Variants in TUSC3 observed in about 807,000 individuals in gnomAD.
TUSC3 encodes dolichyl-diphosphooligosaccharide--protein glycosyltransferase subunit TUSC3.
In TUSC3, 45 loss-of-function variants were observed where a neutral mutation model predicts 44.8. The observed-to-expected ratio is 1.00, with a 90% CI of 0.79 to 1.29. The LOEUF (loss-of-function observed/expected upper bound fraction) is 1.29. TUSC3 is among the 50% of genes most tolerant of loss of function. TUSC3 has a pLI of 0.00. For missense variants in TUSC3, 519 were observed against 437.9 expected (o/e 1.19, Z -1.65); for synonymous variants, 212 against 152.9 (o/e 1.39, Z -2.85).
chr8:15,612,450 T>C (rs548448143), intron 1 of TUSC3, among the ~76,000 whole-genome samples: 3 of 152,332 alleles, frequency 2.0e-5, no homozygotes, highest in Admixed American at 2.0e-4. Context: ...TAATGCAATG[T>C]ACTATTTCTT....
chr8:15,614,624 GCTT>G (rs1804909926), intron 1 of TUSC3, among the ~76,000 whole-genome samples: 1 of 151,940 alleles, frequency 6.6e-6, no homozygotes, highest in Non-Finnish European at 1.5e-5. Context: ...TTACAAGTTG[GCTT>G]CTTTTTATTT....
At chr8:15,831,241 T>C in the TUSC3 span, among the ~76,000 whole-genome samples, 5 of 152,268 alleles carry the variant, frequency 3.3e-5, no homozygotes, top group Admixed American at 3.3e-4. Context: ...AAACCCACCT[T>C]ATACTACAAT....
chr8:15,710,843 C>G (rs1014536826), intron 6 of TUSC3, among the ~76,000 whole-genome samples: 13 of 146,912 alleles, frequency 8.8e-5, no homozygotes, highest in Non-Finnish European at 1.8e-4. Context: ...TATATATATT[C>G]ACTTCATGCA....
intron 1 of TUSC3, among the ~76,000 whole-genome samples, chr8:15,564,917 G>T (rs1178762054): frequency 6.6e-6 from 1 of 152,142 alleles, no homozygotes; most frequent in Non-Finnish European, 1.5e-5. Context: ...AGAGGCCACT[G>T]TTCTTTACAG....
the TUSC3 span, among the ~76,000 whole-genome samples, chr8:15,772,088 CAAAA>C: frequency 6.7e-6 from 1 of 149,934 alleles, no homozygotes. Context: ...GACTCCGTCT[CAAAA>C]AGAAAAAAAA....
At chr8:15,783,741 C>G in the TUSC3 span, among the ~76,000 whole-genome samples, 1 of 152,140 alleles carries the variant, frequency 6.6e-6, no homozygotes, top group African/African-American at 2.4e-5. Context: ...AGACCAGAAG[C>G]TGTAGAACTA....
At chr8:15,475,317 C>G (rs533194486) in intron 1 of TUSC3, among the ~76,000 whole-genome samples, 1 of 152,112 alleles carries the variant, frequency 6.6e-6, no homozygotes, top group Non-Finnish European at 1.5e-5. Context: ...TAGCCTGTCT[C>G]AGGGATAGTG....
chr8:15,643,255 G>A (rs531366373), intron 2 of TUSC3, among the ~76,000 whole-genome samples: 1 of 152,228 alleles, frequency 6.6e-6, no homozygotes, highest in South Asian at 2.1e-4. Context: ...TGTAAATTAC[G>A]CTGTCTTGGG....
chr8:15,593,107 A>G (rs1803921437), intron 1 of TUSC3, among the ~76,000 whole-genome samples: 1 of 152,036 alleles, frequency 6.6e-6, no homozygotes, highest in Non-Finnish European at 1.5e-5. Context: ...TTTTTTTGAG[A>G]CGGAGTCTCA....
At chr8:15,423,995 T>TTTG (rs1799774549) in intron 1 of TUSC3, among the ~76,000 whole-genome samples, 4 of 134,152 alleles carry the variant, frequency 3.0e-5, no homozygotes, top group African/African-American at 1.1e-4. Flanking sequence ...TTTTTTTTTT[T>TTTG]TTTTTTTTTT....
At chr8:15,488,885 A>C (rs1800769938) in intron 2 of TUSC3, among the ~76,000 whole-genome samples, 2 of 152,328 alleles carry the variant, frequency 1.3e-5, no homozygotes, top group African/African-American at 4.8e-5. Flanking sequence ...ATAGCATCCC[A>C]AATTGACTAA....
At chr8:15,657,001 T>C (rs1020203790) in intron 3 of TUSC3, among the ~76,000 whole-genome samples, 8 of 151,956 alleles carry the variant, frequency 5.3e-5, no homozygotes, top group African/African-American at 1.9e-4. Flanking sequence ...ATGCAGGGAG[T>C]GGACACCCCA....
the TUSC3 span, among the ~76,000 whole-genome samples, chr8:15,843,652 C>G: frequency 2.8e-3 from 401 of 144,746 alleles, no homozygotes; most frequent in African/African-American, 0.011. Context: ...ACATCTATAT[C>G]TACATGATGT....
intron 5 of TUSC3, among the ~76,000 whole-genome samples, chr8:15,664,674 A>G (rs1375969045): frequency 6.7e-6 from 1 of 148,790 alleles, no homozygotes; most frequent in East Asian, 1.9e-4. Context: ...GTTAAATTCA[A>G]CAACGTTTGT....
Position 15,764,745 on chromosome 8 carries a change from G to A in TUSC3, c.*589G>A, listed in dbSNP as rs188770392. ...CTGGATGAATGGTACCTACAATTTG[G>A]ATGCCTAACCAAGGACTAGAGCTCC... On this transcript the variant is annotated 3_prime_UTR_variant, in exon 11 of 11. Transcript: ENST00000503731. 159 of 152,900 alleles carry A rather than the reference G, an allele frequency of 1.0e-3. 1 individual carries two copies. Among genetic ancestry groups the A allele is most frequent in the Middle Eastern group, 0.01 (3 of 294 alleles). 9.5% of individuals were successfully genotyped at this position (152,900 alleles called of 1,614,324 possible).
At chr8:15,751,663 A>G (rs939703578) in intron 9 of TUSC3, among the ~76,000 whole-genome samples, 20 of 141,388 alleles carry the variant, frequency 1.4e-4, no homozygotes, top group East Asian at 4.9e-4. Context: ...GGCACATCCA[A>G]AAGAAGCCAA....
chr8:15,626,637 C>G (rs1333121135), intron 2 of TUSC3, among the ~76,000 whole-genome samples: 1 of 152,184 alleles, frequency 6.6e-6, no homozygotes, highest in African/African-American at 2.4e-5. Flanking sequence ...CCCCTGCAGG[C>G]TTGGAGATGT....
At chr8:15,447,040 C>G (rs1455313764) in intron 1 of TUSC3, among the ~76,000 whole-genome samples, 2 of 151,296 alleles carry the variant, frequency 1.3e-5, no homozygotes, top group South Asian at 2.1e-4. Flanking sequence ...AATACTGTTT[C>G]CCAAATGCAG....
At chr8:15,598,303 C>G (rs990128037) in intron 1 of TUSC3, among the ~76,000 whole-genome samples, 1 of 150,870 alleles carries the variant, frequency 6.6e-6, no homozygotes, top group South Asian at 2.1e-4. Flanking sequence ...AAATAAAATA[C>G]CTTTTTGTTT....
Sources: allele counts gnomAD v4.1 joint callset (sites outside exome capture counted in the v4.1 genomes callset), GRCh38; gene constraint gnomAD v4.1.1; transcripts MANE v1.5; gene names NCBI Gene and HGNC (gene_info 2026-07-23, HGNC 2026-07-21).